The following PCDHGB4 variants were observed in gnomAD, a reference collection of about 807,000 sequenced individuals.
The protein encoded by PCDHGB4 is protocadherin gamma-B4.
PCDHGB4 carries 38 observed loss-of-function variants against 60.5 expected under a neutral mutation model. The observed-to-expected ratio is 0.63, with a 90% CI of 0.48 to 0.82. The LOEUF (loss-of-function observed/expected upper bound fraction) is 0.82. Ranked by LOEUF, PCDHGB4 falls within the 40% of genes least tolerant of loss-of-function variation. The pLI, the probability that PCDHGB4 is intolerant of heterozygous loss-of-function variation, is 0.00. For synonymous variants in PCDHGB4, 456 were observed against 509.7 expected, an observed-to-expected ratio of 0.89 and a Z score of 1.42; for missense variants, 1,109 against 1,209.6, an observed-to-expected ratio of 0.92 and a Z score of 1.23.
intron 1 of PCDHGB4, chr5:141,441,470 C>G (rs1170727138): frequency 5.9e-6 from 1 of 168,868 alleles, no homozygotes; most frequent in East Asian, 1.9e-4. Context: ...ATTGGCGATG[C>G]CAACGACAAT....
rs191844335 is a variant in PCDHGB4 at position 141,394,289 on chromosome 5, C to A, written c.2397+4008C>A. ...ATGCCCAGGTCACTTACTCTGTGAC[C>A]GAGGACACGCTGCAGGGGGCGCCCC... On this transcript the variant is annotated intron_variant, in intron 1 of 3. Coordinates refer to ENST00000519479, the MANE Select transcript of PCDHGB4 (RefSeq NM_003736.4). The A allele has an allele frequency of 3.8e-5, 61 of 1,613,954 alleles. 1 individual carries two copies. In the African/African-American group the frequency reaches 6.0e-4, roughly 16 times the overall value.
chr5:141,504,680 A>G (rs912248504), intron 2 of PCDHGB4, among the ~76,000 whole-genome samples: 1 of 150,294 alleles, frequency 6.7e-6, no homozygotes, highest in Non-Finnish European at 1.5e-5. Flanking sequence ...GGGTTCTTGT[A>G]AAATAGGAGG....
chr5:141,399,162 C>T (rs1174255078), intron 1 of PCDHGB4: 1 of 1,613,664 alleles, frequency 6.2e-7, no homozygotes, highest in South Asian at 1.1e-5. Context: ...AAGTTACATT[C>T]CATTCTCTAC....
At chr5:141,478,118 G>C in intron 1 of PCDHGB4, 2 of 1,614,048 alleles carry the variant, frequency 1.2e-6, no homozygotes, top group African/African-American at 1.3e-5. Context: ...GTCAGTAACC[G>C]AGGACTCTCC....
At chr5:141,484,626 C>T (rs1306600907) in intron 1 of PCDHGB4, among the ~76,000 whole-genome samples, 1 of 151,972 alleles carries the variant, frequency 6.6e-6, no homozygotes, top group African/African-American at 2.4e-5. Context: ...CTGGCTTGAA[C>T]AAAGTGACCA....
In PCDHGB4 at chr5:141,477,857, C is replaced by A. The variant is rs548674958; in HGVS notation, c.2398-16950C>A. On this transcript the variant is annotated intron_variant, in intron 1 of 3. Transcript: ENST00000519479. The surrounding 1 kb of genome is among the most constrained non-coding windows in gnomAD (Gnocchi z 4.9). ...AGGTGGGAGCTCGGTGGAGATGCTG[C>A]CTCGAGGTACCTCAGCTGGCCACCT... 2.9e-5 allele frequency: 47 copies of A among 1,613,454 alleles called. No individual in the cohort carries two copies. In the South Asian group the frequency reaches 4.9e-4, roughly 17 times the overall value.
intron 2 of PCDHGB4, among the ~76,000 whole-genome samples, chr5:141,498,039 A>G (rs2099781185): frequency 6.6e-6 from 1 of 152,264 alleles, no homozygotes; most frequent in Non-Finnish European, 1.5e-5. Flanking sequence ...CCAAATAATT[A>G]CAAAAATAAA....
chr5:141,440,878 C>A (rs1359689557), intron 1 of PCDHGB4: 1 of 152,146 alleles, frequency 6.6e-6, no homozygotes, highest in Non-Finnish European at 1.5e-5. Context: ...TGTACAGCGT[C>A]GGCCTTCAGG....
intron 1 of PCDHGB4, among the ~76,000 whole-genome samples, chr5:141,463,725 C>A (rs1259646105): frequency 6.6e-6 from 1 of 152,026 alleles, no homozygotes. Flanking sequence ...GGATTACAGG[C>A]ATGAGCCACC....
chr5:141,440,056 G>A, intron 1 of PCDHGB4: 1 of 152,648 alleles, frequency 6.6e-6, no homozygotes, highest in East Asian at 1.9e-4. Flanking sequence ...GAAAGCTTCG[G>A]GTTAATGCTG....
chr5:141,449,528 G>C (rs1298713821), intron 1 of PCDHGB4, among the ~76,000 whole-genome samples: 1 of 149,040 alleles, frequency 6.7e-6, no homozygotes, highest in African/African-American at 2.5e-5. Context: ...GGCGGAGGTT[G>C]CAGTGAGCCG....
intron 1 of PCDHGB4, chr5:141,397,910 C>G (rs1016162515): frequency 1.3e-5 from 9 of 680,688 alleles, no homozygotes; most frequent in Non-Finnish European, 2.2e-5. Flanking sequence ...GCTTGGCGCT[C>G]CAGATCTCCT....
Position 141,489,245 on chromosome 5 carries a change from G to A in PCDHGB4, c.2398-5562G>A, listed in dbSNP as rs773391205. 3 of 1,536,634 alleles carry A rather than the reference G, an allele frequency of 2.0e-6. No homozygotes were observed. The South Asian group carries it at 3.9e-5, about 20-fold the overall frequency. On this transcript the variant is annotated intron_variant, in intron 1 of 3. Transcript: ENST00000519479. The surrounding 1 kb of genome is among the most constrained non-coding windows in gnomAD (Gnocchi z 4.5). The stretch of plus-strand genomic sequence containing the variant: ...CCACAAAGGGACTTCTGGGTCATGG[G>A]GCCCAAGACACTCCCACAGCTCGCT...
rs757755103 is a variant in PCDHGB4 at position 141,432,638 on chromosome 5, C to A, written c.2397+42357C>A. On this transcript the variant is annotated intron_variant, in intron 1 of 3. Coordinates refer to ENST00000519479, the MANE Select transcript of PCDHGB4 (RefSeq NM_003736.4). The surrounding 1 kb of genome is among the most constrained non-coding windows in gnomAD (Gnocchi z 6.0). ...GGTGGGTCTGCACACGGGCGAGGTG[C>A]GCACGGCGCGAGCCCTGCTGGACAG... The A allele has an allele frequency of 6.2e-6, 10 of 1,613,810 alleles. No homozygotes were observed. Among genetic ancestry groups the A allele is most frequent in the African/African-American group, 1.3e-5 (1 of 75,064 alleles).
chr5:141,476,554 G>A lies in PCDHGB4; in HGVS notation c.2398-18253G>A. On this transcript the variant is annotated intron_variant, in intron 1 of 3. Transcript: ENST00000519479. This position sits in a 1 kb window ranked among gnomAD's most constrained non-coding sequence, Gnocchi z 7.6. The stretch of plus-strand genomic sequence containing the variant: ...AGGAAATGAAATTGGAGATTAGCGA[G>A]GCCGTGGCTCCGGGGACGCGCTTTC... 1 of 1,614,232 alleles carries A rather than the reference G, an allele frequency of 6.2e-7. No individual in the cohort carries two copies. Among genetic ancestry groups the A allele is most frequent in the Non-Finnish European group, 8.5e-7 (1 of 1,180,036 alleles).
chr5:141,415,752 T>G lies in PCDHGB4; in HGVS notation c.2397+25471T>G, dbSNP rs981275270. ...GATGTTTATTAAGGTTTTTTTTTTT[T>G]TTTTTTTTTTTTTTTTTTTTACTTT... On this transcript the variant is annotated intron_variant, in intron 1 of 3. Transcript: ENST00000519479. 5.6e-5 allele frequency: 77 copies of G among 1,372,446 alleles called. No individual in the cohort carries two copies. In the East Asian group the frequency reaches 6.8e-4, roughly 12 times the overall value. 85.0% of individuals were successfully genotyped at this position (1,372,446 alleles called of 1,614,324 possible).
In PCDHGB4 at chr5:141,415,739, G is replaced by GTTTT; in HGVS notation, c.2397+25458_2397+25459insTTTT. On this transcript the variant is annotated intron_variant, in intron 1 of 3. Transcript: ENST00000519479. The stretch of plus-strand genomic sequence containing the variant: ...ATGAGTAGAATTTGATGTTTATTAA[G>GTTTT]GTTTTTTTTTTTTTTTTTTTTTTTT... 9.2e-6 allele frequency: 4 copies of GTTTT among 434,946 alleles called. No homozygotes were observed. In the African/African-American group the frequency reaches 1.3e-4, roughly 14 times the overall value. 26.9% of individuals were successfully genotyped at this position (434,946 alleles called of 1,614,324 possible).
chr5:141,485,676 G>A lies in PCDHGB4; in HGVS notation c.2398-9131G>A. The A allele has an allele frequency of 6.2e-7, 1 of 1,612,928 alleles. No individual in the cohort carries two copies. The highest frequency in any genetic ancestry group is 2.2e-5 in the East Asian group (1 of 44,848). On this transcript the variant is annotated intron_variant, in intron 1 of 3. Coordinates refer to ENST00000519479, the MANE Select transcript of PCDHGB4 (RefSeq NM_003736.4). This position sits in a 1 kb window ranked among gnomAD's most constrained non-coding sequence, Gnocchi z 5.7. ...GCAGATGTGGGGAGCAATTCGATTA[G>A]CAGCTATAGGCTGAGCTCCAATGAA...
intron 1 of PCDHGB4, among the ~76,000 whole-genome samples, chr5:141,446,621 C>G (rs1284919173): frequency 6.6e-6 from 1 of 152,094 alleles, no homozygotes; most frequent in African/African-American, 2.4e-5. Context: ...GGACTACAGG[C>G]GTGCACCACC....
Sources: gnomAD v4.1 joint callset for allele counts (sites outside exome capture counted in the v4.1 genomes callset) on GRCh38, gnomAD v4.1.1 for gene constraint, Gnocchi (gnomAD v3.1) non-coding constraint, MANE v1.5 for transcripts, NCBI Gene and HGNC (gene_info 2026-07-23, HGNC 2026-07-21) for gene names.